NDST4: variants seen among roughly 807,000 people sequenced by gnomAD.
NDST4 encodes the protein N-deacetylase and N-sulfotransferase 4, also known as N-heparan sulfate sulfotransferase 4.
A neutral mutation model predicts 100.8 loss-of-function variants in NDST4; 63 were observed. That is an observed-to-expected ratio of 0.62 (90% CI 0.51 to 0.77). NDST4 has a LOEUF of 0.77. NDST4 is among the 30% of genes least tolerant of loss of function. NDST4 has a pLI of 0.00. For synonymous variants in NDST4, 377 were observed against 361.8 expected (o/e 1.04, Z -0.48); for missense variants, 943 against 1,018.4 (o/e 0.93, Z 1.01).
chr4:115,026,930 T>C (rs1727999586), intron 2 of NDST4, among the ~76,000 whole-genome samples: 1 of 152,136 alleles, frequency 6.6e-6, no homozygotes, highest in Admixed American at 6.6e-5. Flanking sequence ...ACAACTTGCA[T>C]TTGAAGAAAG....
chr4:114,848,422 A>G, intron 8 of NDST4, 84 bp from the exon 9 acceptor site: 1 of 1,073,662 alleles, frequency 9.3e-7, no homozygotes, highest in Non-Finnish European at 1.3e-6. Context: ...AAAAAGTAAT[A>G]TTAAAATAAT....
At chr4:115,101,416 C>A (rs1158656719) in intron 1 of NDST4, among the ~76,000 whole-genome samples, 4 of 151,742 alleles carry the variant, frequency 2.6e-5, no homozygotes, top group Admixed American at 1.3e-4. Flanking sequence ...AGAAAAAAAA[C>A]CCTAATATTG....
rs200455735 is a variant in NDST4 at position 115,045,021 on chromosome 4, G to C, written c.978+31038C>G. Among the ~76,000 whole-genome samples the C allele has an allele frequency of 2.6e-5, 4 of 152,008 alleles. No homozygotes were observed. In the East Asian group the frequency reaches 7.7e-4, roughly 29 times the overall value. On this transcript the variant is annotated intron_variant, in intron 2 of 13. Transcript: ENST00000264363. ...GGTATATATGAAATGCAAGTTGGTAGAGTAATTTTATTAAAAATCTGATAG... is the reference window on the plus strand; with the variant it reads ...GGTATATATGAAATGCAAGTTGGTACAGTAATTTTATTAAAAATCTGATAG...
intron 1 of NDST4, among the ~76,000 whole-genome samples, chr4:115,093,527 G>A (rs1417321927): frequency 1.3e-5 from 2 of 151,778 alleles, no homozygotes; most frequent in Admixed American, 6.6e-5. Flanking sequence ...AACAAATTTG[G>A]TCTAAAAGAC....
At chr4:115,033,133 A>G (rs59393028) in intron 2 of NDST4, among the ~76,000 whole-genome samples, 21,532 of 82,142 alleles carry the variant, frequency 0.26, 2,046 homozygotes, top group Middle Eastern at 0.36. Context: ...ATATATGTGT[A>G]TATATATATA....
At chr4:114,951,758 A>G (rs2126232270) in intron 4 of NDST4, among the ~76,000 whole-genome samples, 1 of 152,254 alleles carries the variant, frequency 6.6e-6, no homozygotes, top group East Asian at 1.9e-4. Context: ...GCCAAATACA[A>G]GGGTTTGACT....
intron 1 of NDST4, among the ~76,000 whole-genome samples, chr4:115,110,113 G>T (rs953153379): frequency 2.6e-5 from 4 of 151,922 alleles, no homozygotes; most frequent in Non-Finnish European, 4.4e-5. Context: ...TCTAGAAAGT[G>T]ATAGTTTTCC....
Position 115,055,054 on chromosome 4 carries a change from T to C in NDST4, c.978+21005A>G, listed in dbSNP as rs143307885. Among the ~76,000 whole-genome samples, 132 of 152,140 alleles carry C rather than the reference T, an allele frequency of 8.7e-4. 2 individuals are homozygous for C. In the East Asian group the frequency reaches 0.023, roughly 27 times the overall value. ...CACCCGAGCGCCACATTCTGCCAGA[T>C]CAGTGGCAGCCTTAGACTCTCATAG... is the stretch of plus-strand genomic sequence containing the variant. On this transcript the variant is annotated intron_variant, in intron 2 of 13. Coordinates refer to ENST00000264363, the MANE Select transcript of NDST4 (RefSeq NM_022569.3).
intron 3 of NDST4, among the ~76,000 whole-genome samples, chr4:114,975,333 A>G (rs1726608851): frequency 6.6e-6 from 1 of 152,200 alleles, no homozygotes; most frequent in Non-Finnish European, 1.5e-5. Flanking sequence ...ATAGATTTAT[A>G]AATATTGCTT....
intron 6 of NDST4, among the ~76,000 whole-genome samples, chr4:114,881,893 A>C (rs554982907): frequency 6.6e-6 from 1 of 152,146 alleles, no homozygotes; most frequent in Non-Finnish European, 1.5e-5. Flanking sequence ...TACATATTGA[A>C]GTGTACATTT....
At position 114,936,871 on chromosome 4, in the gene NDST4, T is replaced by C. The variant is rs367970384; in HGVS notation, c.1407+447A>G. On this transcript the variant is annotated intron_variant, in intron 5 of 13. Coordinates refer to ENST00000264363, the MANE Select transcript of NDST4 (RefSeq NM_022569.3). ...GCCAAAATAAACTGAGTGAATAAAT[T>C]TAACTCTCAGATGCTATTTGTAACA... 3.9e-5 allele frequency among the ~76,000 whole-genome samples: 6 copies of C among 152,176 alleles called. No homozygotes were observed. In the East Asian group the frequency reaches 7.7e-4, roughly 20 times the overall value.
chr4:114,964,592 T>TTTATTTTATTATTTA (rs1726338961), intron 4 of NDST4, among the ~76,000 whole-genome samples: 1 of 152,216 alleles, frequency 6.6e-6, no homozygotes, highest in Non-Finnish European at 1.5e-5. Context: ...GTTTTATTAT[T>TTTATTTTATTATTTA]TTATTTTATT....
At position 115,001,807 on chromosome 4, in the gene NDST4, C is replaced by A. The variant is rs116473893; in HGVS notation, c.979-24533G>T. 5.6e-3 allele frequency among the ~76,000 whole-genome samples: 845 copies of A among 152,218 alleles called. 8 individuals carry two copies. The highest frequency in any genetic ancestry group is 0.019 in the African/African-American group (803 of 41,540). On this transcript the variant is annotated intron_variant, in intron 2 of 13. Coordinates refer to ENST00000264363, the MANE Select transcript of NDST4 (RefSeq NM_022569.3). ...ATGACTTGCAGCTTTCAATTTACTT[C>A]ATGAAATGAACTTAATTTGTTTTCA... is the stretch of plus-strand genomic sequence containing the variant.
chr4:114,838,767 G>A (rs1723358251), intron 11 of NDST4, among the ~76,000 whole-genome samples: 1 of 150,982 alleles, frequency 6.6e-6, no homozygotes, highest in South Asian at 2.1e-4. Flanking sequence ...GTATACTTAT[G>A]TAACAAACCT....
At chr4:114,839,340 A>G (rs1355970053) in intron 11 of NDST4, 38 bp downstream of exon 11, 1 of 1,552,622 alleles carries the variant, frequency 6.4e-7, no homozygotes, top group Middle Eastern at 1.7e-4. Context: ...AGGACATTAT[A>G]ATAAAATAAA....
intron 6 of NDST4, among the ~76,000 whole-genome samples, chr4:114,892,545 TAA>T (rs1724621899): frequency 6.6e-6 from 1 of 152,058 alleles, no homozygotes; most frequent in African/African-American, 2.4e-5. Context: ...CCCTACCACT[TAA>T]GTTTTTACCA....
At chr4:114,857,704 T>G (rs1723826636) in intron 7 of NDST4, among the ~76,000 whole-genome samples, 1 of 152,206 alleles carries the variant, frequency 6.6e-6, no homozygotes, top group Non-Finnish European at 1.5e-5. Context: ...GTGTACCTAG[T>G]CATCTGCTTT....
intron 1 of NDST4, among the ~76,000 whole-genome samples, chr4:115,081,626 A>C (rs1009497102): frequency 1.3e-5 from 2 of 152,194 alleles, no homozygotes; most frequent in Non-Finnish European, 2.9e-5. Context: ...TAAAAAAATT[A>C]CTTCAGGATA....
In NDST4 at chr4:114,827,939, G is replaced by C; in HGVS notation, c.2500-4C>G. On this transcript the variant is annotated splice_region_variant and splice_polypyrimidine_tract_variant and intron_variant, in intron 13 of 13. Coordinates refer to ENST00000264363, the MANE Select transcript of NDST4 (RefSeq NM_022569.3). Reference sequence around the variant, plus strand: ...AATTAGAGAGGAACGTTCTAGACTGGAAAGAAAAAAAGAAGAACTTGAAAG... The same window carrying C: ...AATTAGAGAGGAACGTTCTAGACTGCAAAGAAAAAAAGAAGAACTTGAAAG... The C allele has an allele frequency of 6.3e-7, 1 of 1,577,054 alleles. No homozygotes were observed.
Sources: gnomAD v4.1 joint callset for allele counts (sites outside exome capture counted in the v4.1 genomes callset) on GRCh38, gnomAD v4.1.1 for gene constraint, MANE v1.5 for transcripts, NCBI Gene and HGNC (gene_info 2026-07-23, HGNC 2026-07-21) for gene names.